Variants in CMIP observed in about 807,000 individuals in gnomAD.
CMIP encodes the protein C-Maf-inducing protein.
Under a neutral mutation model 97.3 loss-of-function variants are expected in CMIP, and 13 were observed. The observed-to-expected ratio is 0.13, with a 90% confidence interval of 0.09 to 0.21. The LOEUF (loss-of-function observed/expected upper bound fraction) is 0.21. Ranked by LOEUF, CMIP falls within the 10% of genes least tolerant of loss-of-function variation. The pLI, the probability that CMIP is intolerant of heterozygous loss-of-function variation, is 1.00. For synonymous variants in CMIP, 538 were observed against 436.3 expected (o/e 1.23, Z -2.91); for missense variants, 847 against 1,024.9 (o/e 0.83, Z 2.37).
chr16:81,561,214 C>G (rs562410534), intron 1 of CMIP, among the ~76,000 whole-genome samples: 2 of 152,346 alleles, frequency 1.3e-5, no homozygotes, highest in South Asian at 4.1e-4. Flanking sequence ...CTTGGCTTCC[C>G]AAAGTGCTGG....
chr16:81,645,430 G>C (rs980739369), intron 3 of CMIP: 3 of 1,499,940 alleles, frequency 2.0e-6, no homozygotes, highest in East Asian at 5.0e-5. Flanking sequence ...CTGGCGCGAC[G>C]TGCTTCCAGT....
chr16:81,636,416 C>T (rs2092235672), intron 3 of CMIP, among the ~76,000 whole-genome samples: 1 of 151,884 alleles, frequency 6.6e-6, no homozygotes, highest in South Asian at 2.1e-4. Context: ...AGCCCCATCT[C>T]TACTAATAAT....
Position 81,678,588 on chromosome 16 carries a change from G to C in CMIP, c.1348G>C (p.Asp450His). The change falls in exon 10 of 21, where the codon GAC becomes CAC. Residue 450 changes from aspartate to histidine, a missense_variant. Asp to His is a moderately conservative substitution (Grantham distance 81). This residue lies in a region of CMIP where 202 missense variants were observed against 168.7 expected (regional missense o/e 1.20). Coordinates refer to ENST00000537098, the MANE Select transcript of CMIP (RefSeq NM_198390.3). ...GAGCATCGAGCTGGGCCCCCAGGCC[G>C]ACCGCACGCTCGGCTGCTACGTGGA... is the stretch of plus-strand genomic sequence containing the variant. Reference protein sequence around the residue: ...TMSIELGPQADRTLGCYVEIL... With the variant: ...TMSIELGPQAHRTLGCYVEIL... The C allele has an allele frequency of 1.2e-6, 2 of 1,601,950 alleles. No individual in the cohort carries two copies. The highest frequency in any genetic ancestry group is 2.2e-5 in the South Asian group (2 of 90,532).
intron 1 of CMIP, among the ~76,000 whole-genome samples, chr16:81,474,692 G>A (rs139753709): frequency 0.017 from 2,525 of 152,304 alleles, 33 homozygotes; most frequent in South Asian, 0.029. Flanking sequence ...CCTGCGGAGG[G>A]GCCTCAGTGT....
chr16:81,533,432 T>C (rs1188936761), intron 1 of CMIP, among the ~76,000 whole-genome samples: 1 of 152,256 alleles, frequency 6.6e-6, no homozygotes, highest in African/African-American at 2.4e-5. Context: ...TAAGGTTATG[T>C]GCATGATTTT....
chr16:81,477,298 G>A (rs899224473), intron 1 of CMIP, among the ~76,000 whole-genome samples: 1 of 152,058 alleles, frequency 6.6e-6, no homozygotes, highest in Non-Finnish European at 1.5e-5. Context: ...GGGATTACAA[G>A]CTTACACCAC....
intron 1 of CMIP, among the ~76,000 whole-genome samples, chr16:81,569,016 G>T (rs1355248247): frequency 6.6e-6 from 1 of 152,174 alleles, no homozygotes; most frequent in East Asian, 1.9e-4. Flanking sequence ...TTAGAACAGG[G>T]GGTGCAGTTT....
At position 81,525,471 on chromosome 16, in the gene CMIP, T is replaced by C. The variant is rs1385841204; in HGVS notation, c.300+79930T>C. Among the ~76,000 whole-genome samples the C allele has an allele frequency of 2.0e-5, 3 of 152,178 alleles. No homozygotes were observed. In the East Asian group the frequency reaches 5.8e-4, roughly 29 times the overall value. ...ATTTTTATTTCCTTAATTTTTTTTT[T>C]ATTATGGTCAAATACATATAACGTA... On this transcript the variant is annotated intron_variant, in intron 1 of 20. Transcript: ENST00000537098.
chr16:81,657,907 C>A (rs374640965), intron 5 of CMIP, 91 bp downstream of exon 5: 18 of 1,057,526 alleles, frequency 1.7e-5, no homozygotes, highest in Non-Finnish European at 2.8e-6. Context: ...CTGGCGCCTG[C>A]GTAATCCACC....
At chr16:81,495,138 G>A (rs2089466171) in intron 1 of CMIP, among the ~76,000 whole-genome samples, 1 of 152,226 alleles carries the variant, frequency 6.6e-6, no homozygotes, top group Non-Finnish European at 1.5e-5. Flanking sequence ...GCATAGGTTT[G>A]CATATGTGAA....
At chr16:81,693,255 G>A (rs1371338000) in intron 12 of CMIP, 71 bp downstream of exon 12, 7 of 1,490,502 alleles carry the variant, frequency 4.7e-6, no homozygotes, top group Non-Finnish European at 6.5e-6. Context: ...TTCCCTCCGT[G>A]GCCCATGCAT....
At chr16:81,470,228 A>G (rs1907440084) in intron 1 of CMIP, among the ~76,000 whole-genome samples, 1 of 152,256 alleles carries the variant, frequency 6.6e-6, no homozygotes, top group Non-Finnish European at 1.5e-5. Flanking sequence ...CTGCTTCCAC[A>G]TTTGAGACAA....
At chr16:81,485,826 G>A (rs2089305576) in intron 1 of CMIP, among the ~76,000 whole-genome samples, 1 of 152,242 alleles carries the variant, frequency 6.6e-6, no homozygotes, top group Non-Finnish European at 1.5e-5. Flanking sequence ...CTTGCTGGAG[G>A]TGGTATTGCT....
intron 3 of CMIP, among the ~76,000 whole-genome samples, chr16:81,646,913 A>G (rs916302308): frequency 6.6e-5 from 10 of 152,214 alleles, no homozygotes; most frequent in Non-Finnish European, 1.3e-4. Flanking sequence ...GAATGCTGCT[A>G]TGGACATTCT....
chr16:81,598,281 C>T (rs1258154766), intron 1 of CMIP, among the ~76,000 whole-genome samples: 4 of 152,090 alleles, frequency 2.6e-5, no homozygotes, highest in African/African-American at 9.7e-5. Context: ...GAGGGTATCG[C>T]CTACAACAGA....
In CMIP at chr16:81,614,193, T is replaced by C. The variant is rs1037885756; in HGVS notation, c.426+6501T>C. Among the ~76,000 whole-genome samples, 4 of 152,056 alleles carry C rather than the reference T, an allele frequency of 2.6e-5. No homozygotes were observed. The highest frequency in any genetic ancestry group is 5.9e-5 in the Non-Finnish European group (4 of 68,002). ...GAGAGAAGGGGGTGACAGCAGAATG[T>C]TCCTGGTGGGGGAGTACACGCTGCA... On this transcript the variant is annotated intron_variant, in intron 2 of 20. Transcript: ENST00000537098. The surrounding 1 kb of genome is among the most constrained non-coding windows in gnomAD (Gnocchi z 5.3).
At chr16:81,564,582 C>T (rs541138530) in intron 1 of CMIP, among the ~76,000 whole-genome samples, 1 of 152,308 alleles carries the variant, frequency 6.6e-6, no homozygotes, top group South Asian at 2.1e-4. Flanking sequence ...GCCAGGAGTT[C>T]TCAAGCTCGA....
chr16:81,449,930 C>T (rs974025897), intron 1 of CMIP, among the ~76,000 whole-genome samples: 2 of 152,250 alleles, frequency 1.3e-5, no homozygotes, highest in African/African-American at 2.4e-5. Flanking sequence ...GCCACGGCAA[C>T]ATCATGCCAG....
intron 1 of CMIP, among the ~76,000 whole-genome samples, chr16:81,475,252 C>G (rs193228982): frequency 2.6e-5 from 4 of 152,306 alleles, no homozygotes; most frequent in Admixed American, 2.0e-4. Context: ...ACTGCATATT[C>G]TCCCTTTGCT....
Sources: gnomAD v4.1 joint callset for allele counts (sites outside exome capture counted in the v4.1 genomes callset) on GRCh38, gnomAD v4.1.1 for gene constraint, gnomAD v4.1.1 regional missense constraint, Gnocchi (gnomAD v3.1) non-coding constraint, MANE v1.5 for transcripts, NCBI Gene and HGNC (gene_info 2026-07-23, HGNC 2026-07-21) for gene names.